Variants in CA4 observed in about 807,000 individuals in gnomAD.
CA4 encodes the protein carbonic anhydrase 4, also known as CA-IV.
In CA4, 24 loss-of-function variants were observed where a neutral mutation model predicts 34.5. That is an observed-to-expected ratio of 0.70 (90% CI 0.50 to 0.98). The LOEUF is 0.98. CA4 is among the 50% of genes least tolerant of loss of function. The pLI, the probability that CA4 is intolerant of heterozygous loss-of-function variation, is 0.00. For missense variants in CA4, 394 were observed against 396.7 expected (o/e 0.99, Z 0.06); for synonymous variants, 178 against 170.6 (o/e 1.04, Z -0.34).
downstream of CA4, among the ~76,000 whole-genome samples, chr17:60,175,681 A>AAAAAAAC (rs1300336782): frequency 1.3e-5 from 2 of 151,742 alleles, no homozygotes; most frequent in African/African-American, 4.8e-5. Context: ...AAAAAAAAAA[A>AAAAAAAC]AAAAAAGGAA....
At chr17:60,174,319 T>C (rs751636509), downstream of CA4, among the ~76,000 whole-genome samples, 5 of 152,116 alleles carry the variant, frequency 3.3e-5, no homozygotes, top group Non-Finnish European at 5.9e-5. Context: ...GGCAGCACAA[T>C]GTTCAAAGTT....
intron 1 of CA4, among the ~76,000 whole-genome samples, chr17:60,153,438 A>T (rs2083624766): frequency 6.6e-6 from 1 of 152,276 alleles, no homozygotes; most frequent in African/African-American, 2.4e-5. Flanking sequence ...CATATATACA[A>T]CGCATTGAAT....
downstream of CA4, among the ~76,000 whole-genome samples, chr17:60,174,951 G>A (rs2083944019): frequency 6.6e-6 from 1 of 152,142 alleles, no homozygotes. Flanking sequence ...CAGGGAGGCT[G>A]GGAGGCCGAA....
intron 5 of CA4, among the ~76,000 whole-genome samples, chr17:60,166,888 T>C (rs1409109845): frequency 6.6e-6 from 1 of 151,968 alleles, no homozygotes. Context: ...ACCTGGGAGG[T>C]GGAGGTTGCA....
chr17:60,151,065 C>A (rs2083584212), intron 1 of CA4, among the ~76,000 whole-genome samples: 1 of 152,166 alleles, frequency 6.6e-6, no homozygotes, highest in South Asian at 2.1e-4. Context: ...GCAGGAAAGG[C>A]ATGTTAATAT....
At chr17:60,169,545 G>A (rs2083894006) in intron 5 of CA4, among the ~76,000 whole-genome samples, 1 of 152,106 alleles carries the variant, frequency 6.6e-6, no homozygotes, top group African/African-American at 2.4e-5. Context: ...CTGGAGTGCA[G>A]TGGCTCAATC....
At chr17:60,173,781 G>A (rs142847179), downstream of CA4, among the ~76,000 whole-genome samples, 2 of 152,330 alleles carry the variant, frequency 1.3e-5, no homozygotes, top group African/African-American at 4.8e-5. Context: ...CATGGGAGAG[G>A]AGGATCTCAT....
downstream of CA4, among the ~76,000 whole-genome samples, chr17:60,174,406 A>C (rs1197386700): frequency 1.7e-5 from 2 of 117,782 alleles, no homozygotes; most frequent in Non-Finnish European, 3.2e-5. Flanking sequence ...CATGGGAAAA[A>C]CAAAACAAAA....
chr17:60,154,555 G>A (rs1473348467), intron 1 of CA4, among the ~76,000 whole-genome samples: 1 of 152,232 alleles, frequency 6.6e-6, no homozygotes, highest in Non-Finnish European at 1.5e-5. Flanking sequence ...AAATTCAGCA[G>A]GAAGTACAGA....
intron 5 of CA4, among the ~76,000 whole-genome samples, chr17:60,166,426 G>A (rs2083856282): frequency 6.6e-6 from 1 of 152,192 alleles, no homozygotes; most frequent in African/African-American, 2.4e-5. Flanking sequence ...TTGACTGTGT[G>A]TCTTTAGGAT....
chr17:60,177,343 C>G, the CA4 span, among the ~76,000 whole-genome samples: 1 of 152,160 alleles, frequency 6.6e-6, no homozygotes, highest in African/African-American at 2.4e-5. Context: ...TACATCAACA[C>G]TATTTTATTT....
At chr17:60,154,083 G>A (rs2083637693) in intron 1 of CA4, among the ~76,000 whole-genome samples, 1 of 152,176 alleles carries the variant, frequency 6.6e-6, no homozygotes, top group Non-Finnish European at 1.5e-5. Flanking sequence ...CAAGAAGGGA[G>A]AGGGTGGATG....
rs370640952 is a variant in CA4, at chr17:60,157,549, G to A, written c.391G>A (p.Asp131Asn). ...ATATAAGGGCTCGGAGCACAGCCTCGATGGGGAGCACTTTGCCATGGAGGT... is the reference window on the plus strand; with the variant it reads ...ATATAAGGGCTCGGAGCACAGCCTCAATGGGGAGCACTTTGCCATGGAGGT... ...LPYKGSEHSL[D>N]GEHFAMEMHI... Residue 131 changes from aspartate (D) to asparagine (N), a missense_variant, in exon 4 of 8, where the codon GAT (aspartate) becomes AAT (asparagine). Physicochemically the swap from Asp to Asn is conservative, Grantham distance 23. Transcript: ENST00000300900. 9.9e-6 allele frequency: 16 copies of A among 1,614,190 alleles called. No homozygotes were observed. The highest frequency in any genetic ancestry group is 6.7e-5 in the Admixed American group (4 of 60,034).
At chr17:60,164,899 G>A (rs911972587) in intron 5 of CA4, among the ~76,000 whole-genome samples, 3 of 152,094 alleles carry the variant, frequency 2.0e-5, no homozygotes, top group Non-Finnish European at 2.9e-5. Context: ...CCGGCCTGGG[G>A]TGGAATCCCC....
chr17:60,177,237 C>A, the CA4 span, among the ~76,000 whole-genome samples: 1 of 152,218 alleles, frequency 6.6e-6, no homozygotes, highest in Non-Finnish European at 1.5e-5. Context: ...CACATGGAGG[C>A]ATCCACAGTA....
chr17:60,162,307 A>G (rs1355788920), downstream of CA4, among the ~76,000 whole-genome samples: 1 of 152,126 alleles, frequency 6.6e-6, no homozygotes, highest in Non-Finnish European at 1.5e-5. Context: ...GCGTGTGTTC[A>G]TGACGAGCTT....
chr17:60,157,988 G>T (rs1464937371), intron 5 of CA4, 73 bp from the exon 6 acceptor site: 3 of 1,587,280 alleles, frequency 1.9e-6, no homozygotes, highest in Non-Finnish European at 2.6e-6. Context: ...TCCGCCCCCA[G>T]ATCGGGAGAA....
At chr17:60,163,903 G>A (rs2083823429), downstream of CA4, among the ~76,000 whole-genome samples, 1 of 152,280 alleles carries the variant, frequency 6.6e-6, no homozygotes, top group South Asian at 2.1e-4. Flanking sequence ...GGTCAAGGCG[G>A]GAGGATCACT....
At chr17:60,158,154 TG>T (rs2083727353) in intron 6 of CA4, 27 bp downstream of exon 6, 1 of 1,583,684 alleles carries the variant, frequency 6.3e-7, no homozygotes, top group Non-Finnish European at 8.6e-7. Flanking sequence ...GAGAAGGGCT[TG>T]GGGTGAGGGG....
Sources: allele counts gnomAD v4.1 joint callset (sites outside exome capture counted in the v4.1 genomes callset), GRCh38; gene constraint gnomAD v4.1.1; transcripts MANE v1.5; gene names NCBI Gene and HGNC (gene_info 2026-07-23, HGNC 2026-07-21).